Variants in CHST9 observed in about 807,000 individuals in gnomAD.
CHST9 encodes the protein carbohydrate sulfotransferase 9.
CHST9 carries 41 observed loss-of-function variants against 44.4 expected under a neutral mutation model. The ratio of observed to expected loss-of-function variants is 0.92; its 90% CI spans 0.72 to 1.20. CHST9 has a LOEUF of 1.20. Among genes scored for constraint, CHST9 ranks in the 50% most tolerant of loss-of-function variants. CHST9 has a pLI of 0.00. For synonymous variants in CHST9, 171 were observed against 178.4 expected, an observed-to-expected ratio of 0.96 and a Z score of 0.33; for missense variants, 504 against 516.5, an observed-to-expected ratio of 0.98 and a Z score of 0.23.
chr18:27,124,053 A>G (rs889211820), intron 2 of CHST9, among the ~76,000 whole-genome samples: 17 of 152,248 alleles, frequency 1.1e-4, no homozygotes, highest in Non-Finnish European at 2.4e-4. Flanking sequence ...AAGTTAATAC[A>G]GTGATTCATG....
intron 3 of CHST9, among the ~76,000 whole-genome samples, chr18:27,028,038 C>T (rs1363541341): frequency 6.6e-6 from 1 of 152,148 alleles, no homozygotes; most frequent in Non-Finnish European, 1.5e-5. Context: ...GCCTCAGCCT[C>T]CTGAGTAGCT....
intron 4 of CHST9, among the ~76,000 whole-genome samples, chr18:26,958,099 T>G (rs1006676310): frequency 1.3e-5 from 2 of 150,944 alleles, no homozygotes; most frequent in Admixed American, 6.6e-5. Context: ...TCAGTCAGGC[T>G]GGTCTTGAAC....
chr18:27,063,284 GTGATAC>G (rs2057746561), intron 2 of CHST9, among the ~76,000 whole-genome samples: 1 of 152,112 alleles, frequency 6.6e-6, no homozygotes, highest in African/African-American at 2.4e-5. Flanking sequence ...TCATATATTT[GTGATAC>G]TGGTCTAATT....
chr18:27,101,350 G>T (rs1460350837), intron 2 of CHST9, among the ~76,000 whole-genome samples: 1 of 152,102 alleles, frequency 6.6e-6, no homozygotes. Flanking sequence ...CCAGCACTTT[G>T]GGAGGCCGAG....
chr18:27,172,563 A>C (rs2058841239), intron 1 of CHST9, among the ~76,000 whole-genome samples: 1 of 152,046 alleles, frequency 6.6e-6, no homozygotes, highest in Non-Finnish European at 1.5e-5. Context: ...CTTCTTATTA[A>C]AACAATATCA....
At chr18:27,094,080 G>T (rs546710401) in intron 2 of CHST9, among the ~76,000 whole-genome samples, 40 of 152,158 alleles carry the variant, frequency 2.6e-4, no homozygotes, top group Non-Finnish European at 5.0e-4. Flanking sequence ...ATTAAAGTAT[G>T]TGATGGAAAC....
intron 2 of CHST9, among the ~76,000 whole-genome samples, chr18:27,129,988 G>T (rs2058457955): frequency 6.6e-6 from 1 of 152,052 alleles, no homozygotes; most frequent in Admixed American, 6.6e-5. Flanking sequence ...CAAGAAGGCA[G>T]GAAAGAAGAA....
chr18:26,926,462 C>T (rs1037015117), intron 5 of CHST9, among the ~76,000 whole-genome samples: 2 of 152,152 alleles, frequency 1.3e-5, no homozygotes, highest in African/African-American at 4.8e-5. Context: ...CTGACATAAC[C>T]TTAATGTATA....
At chr18:27,152,876 T>A (rs917334984) in intron 1 of CHST9, among the ~76,000 whole-genome samples, 1 of 152,124 alleles carries the variant, frequency 6.6e-6, no homozygotes, top group Non-Finnish European at 1.5e-5. Context: ...ATGTGTCTGA[T>A]GAGCTAAGAT....
chr18:26,926,311 A>T (rs568135443), intron 5 of CHST9, among the ~76,000 whole-genome samples: 100 of 152,218 alleles, frequency 6.6e-4, no homozygotes, highest in Admixed American at 1.9e-3. Context: ...CCATTTTTGG[A>T]TTTAATTCCT....
intron 2 of CHST9, among the ~76,000 whole-genome samples, chr18:27,103,792 G>T (rs1317042520): frequency 6.6e-6 from 1 of 152,088 alleles, no homozygotes; most frequent in Non-Finnish European, 1.5e-5. Flanking sequence ...GTAATTAATT[G>T]TAATAACCAA....
At chr18:27,083,376 G>A (rs2057979137) in intron 2 of CHST9, among the ~76,000 whole-genome samples, 1 of 152,048 alleles carries the variant, frequency 6.6e-6, no homozygotes, top group African/African-American at 2.4e-5. Context: ...AAAACTTTGG[G>A]TGGGATGAAA....
rs184169859 is a variant in CHST9, at chr18:27,072,496, T to C, written c.122-23993A>G. Among the ~76,000 whole-genome samples the C allele has an allele frequency of 5.4e-3, 817 of 152,218 alleles. 32 individuals are homozygous for C. The highest frequency in any genetic ancestry group is 0.047 in the Admixed American group (712 of 15,276). ...TTGCTGATGAAATGCTTTAAGTTAG[T>C]AGGGGACATAGGATGTGCCAGAGGT... On this transcript the variant is annotated intron_variant, in intron 2 of 5. Transcript: ENST00000618847.
chr18:27,157,134 C>T (rs1348500597), intron 1 of CHST9, among the ~76,000 whole-genome samples: 3 of 152,064 alleles, frequency 2.0e-5, no homozygotes, highest in Non-Finnish European at 4.4e-5. Flanking sequence ...CTTCCTTATG[C>T]CAGATATGTG....
intron 3 of CHST9, among the ~76,000 whole-genome samples, chr18:27,039,586 G>T (rs577492254): frequency 6.6e-6 from 1 of 152,112 alleles, no homozygotes. Context: ...GGGTGGTGGG[G>T]ACAGTTGCAC....
At chr18:27,009,522 A>G (rs928891680) in intron 4 of CHST9, among the ~76,000 whole-genome samples, 2 of 152,250 alleles carry the variant, frequency 1.3e-5, no homozygotes, top group African/African-American at 4.8e-5. Flanking sequence ...TCTGGGTCTT[A>G]GTATAATTTC....
rs2055397952 is a variant in CHST9 at position 26,908,473 on chromosome 18, C to T, written c.*7786G>A. The T allele has an allele frequency of 6.6e-6, 1 of 150,408 alleles. No homozygotes were observed. Among genetic ancestry groups the T allele is most frequent in the African/African-American group, 2.4e-5 (1 of 41,026 alleles). 9.3% of individuals were successfully genotyped at this position (150,408 alleles called of 1,614,324 possible). The stretch of plus-strand genomic sequence containing the variant: ...TAGGAAAATATTCATTAAAAGGATA[C>T]CAAAAAATGATAAGGTGATAAAATT... On this transcript the variant is annotated 3_prime_UTR_variant, in exon 6 of 6. Coordinates refer to ENST00000618847, the MANE Select transcript of CHST9 (RefSeq NM_031422.6).
At chr18:27,176,965 G>A (rs980379246) in intron 1 of CHST9, among the ~76,000 whole-genome samples, 1 of 151,966 alleles carries the variant, frequency 6.6e-6, no homozygotes, top group African/African-American at 2.4e-5. Context: ...TGCAAGAGGA[G>A]GATTAGTATT....
chr18:27,053,282 G>C (rs543311237), intron 2 of CHST9, among the ~76,000 whole-genome samples: 16 of 134,308 alleles, frequency 1.2e-4, no homozygotes, highest in African/African-American at 4.6e-4. Flanking sequence ...AGGAGAAGGA[G>C]AAGGAGAAGG....
Sources: gnomAD v4.1 joint callset for allele counts (sites outside exome capture counted in the v4.1 genomes callset) on GRCh38, gnomAD v4.1.1 for gene constraint, MANE v1.5 for transcripts, NCBI Gene and HGNC (gene_info 2026-07-23, HGNC 2026-07-21) for gene names.